The following FAT1 variants were observed in gnomAD, a reference collection of about 807,000 sequenced individuals.
The protein encoded by FAT1 is protocadherin Fat 1.
A neutral mutation model predicts 329.8 loss-of-function variants in FAT1; 171 were observed. The ratio of observed to expected loss-of-function variants is 0.52; its 90% CI spans 0.46 to 0.59. FAT1 has a LOEUF of 0.59. Ranked by LOEUF, FAT1 falls within the 20% of genes least tolerant of loss-of-function variation. The pLI is 0.00. For missense variants in FAT1, 5,672 were observed against 5,774.4 expected, an observed-to-expected ratio of 0.98 and a Z score of 0.57; for synonymous variants, 2,233 against 2,228.6, an observed-to-expected ratio of 1.00 and a Z score of -0.06.
intron 4 of FAT1, 122 bp downstream of exon 4, chr4:186,639,600 A>G: frequency 1.5e-6 from 1 of 647,764 alleles, no homozygotes; most frequent in East Asian, 2.8e-5. Flanking sequence ...CAACCAGTAA[A>G]TAATATTAAT....
chr4:186,677,636 T>C (rs1376459777), intron 2 of FAT1, among the ~76,000 whole-genome samples: 1 of 152,162 alleles, frequency 6.6e-6, no homozygotes, highest in Non-Finnish European at 1.5e-5. Context: ...ACAAACCTCC[T>C]ACAATACCCA....
rs1476102298 is a variant in FAT1 at position 186,597,094 on chromosome 4, T to C, written c.12446A>G (p.Tyr4149Cys). 1.2e-6 allele frequency: 2 copies of C among 1,614,018 alleles called. No homozygotes were observed. Among genetic ancestry groups the C allele is most frequent in the Non-Finnish European group, 1.7e-6 (2 of 1,179,894 alleles). The change falls in exon 25 of 27, where the codon TAT (tyrosine) becomes TGT (cysteine). Residue 4149 changes from tyrosine to cysteine, a missense_variant. Around this residue, in one of 2 missense-constraint regions of FAT1, gnomAD observed 1,706 missense variants for 1,859.1 expected, o/e 0.92. Coordinates refer to ENST00000441802, the MANE Select transcript of FAT1 (RefSeq NM_005245.4). ...GTACTCGTGGCTGCAGTTGCAGTGA[T>C]AGGAGCCGTGCGTGTTCTCACAGAG... ...GALCENTHGS[Y>C]HCNCSHEYRG...
intron 3 of FAT1, among the ~76,000 whole-genome samples, chr4:186,649,648 G>A (rs529529771): frequency 3.3e-5 from 5 of 152,274 alleles, no homozygotes; most frequent in African/African-American, 7.2e-5. Context: ...TGGGAGGAGC[G>A]AGGATAGGTC....
chr4:186,613,688 G>C (rs2126477467), intron 12 of FAT1, among the ~76,000 whole-genome samples: 1 of 152,110 alleles, frequency 6.6e-6, no homozygotes, highest in East Asian at 1.9e-4. Flanking sequence ...TAGTTCTTTA[G>C]GAAGAAAATA....
chr4:186,722,463 C>T (rs1745507865), intron 1 of FAT1, among the ~76,000 whole-genome samples: 1 of 152,220 alleles, frequency 6.6e-6, no homozygotes, highest in South Asian at 2.1e-4. Flanking sequence ...TTACATAGTG[C>T]TTTAAGTATT....
rs1353195830 is a variant in FAT1 at position 186,628,646 on chromosome 4, C to T, written c.4441G>A (p.Val1481Met). The T allele has an allele frequency of 6.2e-7, 1 of 1,613,502 alleles. No homozygotes were observed. The highest frequency in any genetic ancestry group is 1.1e-5 in the South Asian group (1 of 91,060). The change falls in exon 8 of 27, where the codon GTG becomes ATG. Residue 1481 changes from valine to methionine, a missense_variant. Coordinates refer to ENST00000441802, the MANE Select transcript of FAT1 (RefSeq NM_005245.4). ...AGTTTGTTTTTCTCATCCTGATCCA[C>T]AGCACTGATTTGCAAAATTTCTGTT... The part of the protein sequence containing the change: ...PETEILQISA[V>M]DQDEKNKLIY...
rs1739959681 is a variant in FAT1, at chr4:186,620,138, ATTCT to A, written c.6444_6447del (p.Lys2148AsnfsTer27). The A allele has an allele frequency of 1.2e-6, 2 of 1,613,902 alleles. No homozygotes were observed. The highest frequency in any genetic ancestry group is 1.1e-5 in the South Asian group (1 of 91,076). On this transcript the variant is annotated frameshift_variant, in exon 10 of 27. Coordinates refer to ENST00000441802, the MANE Select transcript of FAT1 (RefSeq NM_005245.4). LOFTEE classifies it high-confidence loss of function. ...TCTTTTGCAACCACTGTAACAAGAT[ATTCT>A]TTATTTAAGGTGTCAAGCTCAAATT...
At position 186,620,639 on chromosome 4, in the gene FAT1, C is replaced by A. The variant is rs761317355; in HGVS notation, c.5947G>T (p.Val1983Phe). 6.2e-7 allele frequency: 1 copy of A among 1,614,002 alleles called. No homozygotes were observed. The highest frequency in any genetic ancestry group is 8.5e-7 in the Non-Finnish European group (1 of 1,179,884). ...TTCTCTTTCACTACCGCAGAGTAGA[C>A]ATCCTGGGTAAACTTTAGGTGACTT... ...KESHLKFTQD[V>F]YSAVVKENST... The change falls in exon 10 of 27, where the codon GTC (valine) becomes TTC (phenylalanine). Residue 1983 changes from valine to phenylalanine, a missense_variant. Around this residue, in one of 2 missense-constraint regions of FAT1, gnomAD observed 3,966 missense variants for 3,915.2 expected, o/e 1.01. Transcript: ENST00000441802.
rs544845520 is a variant in FAT1 at position 186,702,342 on chromosome 4, A to G, written c.3265+4221T>C. 2.6e-5 allele frequency among the ~76,000 whole-genome samples: 4 copies of G among 151,826 alleles called. No homozygotes were observed. In the South Asian group the frequency reaches 6.2e-4, roughly 24 times the overall value. On this transcript the variant is annotated intron_variant, in intron 2 of 26. Transcript: ENST00000441802. The stretch of plus-strand genomic sequence containing the variant: ...GGATGCTAAAAGTAACACAGCAGTA[A>G]TATGTTTAGAGATCTGCTCTTATCT...
At chr4:186,702,180 C>G (rs1219192847) in intron 2 of FAT1, among the ~76,000 whole-genome samples, 1 of 152,246 alleles carries the variant, frequency 6.6e-6, no homozygotes, top group Non-Finnish European at 1.5e-5. Flanking sequence ...GCCATTTTCT[C>G]TTAAGAAAAA....
chr4:186,624,543 G>A (rs186203214), intron 9 of FAT1, among the ~76,000 whole-genome samples: 1 of 152,288 alleles, frequency 6.6e-6, no homozygotes, highest in East Asian at 1.9e-4. Flanking sequence ...TTAAAAAGAT[G>A]TAAGAAGAAA....
chr4:186,620,224 T>C lies in FAT1; in HGVS notation c.6362A>G (p.Lys2121Arg), dbSNP rs2126513588. 3 of 1,614,032 alleles carry C rather than the reference T, an allele frequency of 1.9e-6. No homozygotes were observed. The highest frequency in any genetic ancestry group is 1.7e-6 in the Non-Finnish European group (2 of 1,179,902). ...AATTTGAAAGTGTTCATGATGTTCCTTGAGGTAGTAATGCACTTCCCCGTT... is the reference window on the plus strand; with the variant it reads ...AATTTGAAAGTGTTCATGATGTTCCCTGAGGTAGTAATGCACTTCCCCGTT... ...GRNGEVHYYLKEHHEHFQIGP... is the reference protein window; with the variant it reads ...GRNGEVHYYLREHHEHFQIGP... Residue 2121 changes from lysine (K) to arginine (R), a missense_variant, in exon 10 of 27, where the codon AAG becomes AGG. By Grantham distance (26) the Lys-to-Arg change is conservative. Transcript: ENST00000441802.
At chr4:186,625,418 G>A (rs1740254099) in intron 9 of FAT1, among the ~76,000 whole-genome samples, 1 of 152,094 alleles carries the variant, frequency 6.6e-6, no homozygotes. Flanking sequence ...GGAAACAAAT[G>A]AAATTTCAAA....
chr4:186,589,376 A>T (rs1398162362), intron 26 of FAT1, among the ~76,000 whole-genome samples, 156 bp from the exon 27 acceptor site: 2 of 152,124 alleles, frequency 1.3e-5, no homozygotes, highest in African/African-American at 4.8e-5. Flanking sequence ...CTTTGAAGAC[A>T]TCCCCCAACC....
Position 186,709,227 on chromosome 4 carries a change from T to A in FAT1, c.601A>T (p.Ser201Cys), listed in dbSNP as rs770876511. The A allele has an allele frequency of 6.2e-7, 1 of 1,614,030 alleles. No homozygotes were observed. The highest frequency in any genetic ancestry group is 8.5e-7 in the Non-Finnish European group (1 of 1,179,904). The change falls in exon 2 of 27, where the codon AGT becomes TGT. Residue 201 changes from serine (S) to cysteine (C), a missense_variant. By Grantham distance (112) the Ser-to-Cys change is moderately radical (BLOSUM62 -1). Transcript: ENST00000441802. ...CTACCAGTTAACACTATCACACCACTGGTTGGGTGAATAGCAAACATATCT... is the reference window on the plus strand; with the variant it reads ...CTACCAGTTAACACTATCACACCACAGGTTGGGTGAATAGCAAACATATCT... The part of the protein sequence containing the change: ...RTDMFAIHPT[S>C]GVIVLTGRLD...
rs1739772356 is a variant in FAT1, at chr4:186,617,587, A to G, written c.8878+121T>C. On this transcript the variant is annotated intron_variant, in intron 10 of 26. Transcript: ENST00000441802. The stretch of plus-strand genomic sequence containing the variant: ...AGATGTTATTTCTACGTATTATTTT[A>G]GATATTTTTAACTAAAATCATCCCT... 3 of 786,764 alleles carry G rather than the reference A, an allele frequency of 3.8e-6. No homozygotes were observed. The Admixed American group carries it at 1.0e-4, about 27-fold the overall frequency. The allele number at this position is 786,764 out of a possible 1,614,324, so 48.7% of individuals were successfully genotyped here. A position where few individuals can be genotyped will look rare whatever the true frequency, so the allele number is the denominator to read the frequency against.
chr4:186,696,273 A>G (rs1744034102), intron 2 of FAT1, among the ~76,000 whole-genome samples: 1 of 152,216 alleles, frequency 6.6e-6, no homozygotes, highest in Non-Finnish European at 1.5e-5. Context: ...TGAGCTTGCC[A>G]CACTATTAAG....
At position 186,636,032 on chromosome 4, in the gene FAT1, G is replaced by T; in HGVS notation, c.4176C>A (p.Asp1392Glu). The change falls in exon 6 of 27, where the codon GAC becomes GAA. Residue 1392 changes from aspartate to glutamate, a missense_variant. This residue lies in a region of FAT1 where 3,966 missense variants were observed against 3,915.2 expected (regional missense o/e 1.01). Transcript: ENST00000441802. ...ATGAGGGGGAATGCTTACCAGTGAT[G>T]TCAAACCAAAGGGGTATGCCAGGAG... ...VEPPGIPLWF[D>E]ITGGNYDSHF... is the part of the protein sequence containing the mutation. 1 of 1,613,924 alleles carries T rather than the reference G, an allele frequency of 6.2e-7. No homozygotes were observed. The highest frequency in any genetic ancestry group is 8.5e-7 in the Non-Finnish European group (1 of 1,179,838).
rs370938739 is a variant in FAT1, at chr4:186,618,322, C to G, written c.8264G>C (p.Arg2755Thr). 21 of 1,613,930 alleles carry G rather than the reference C, an allele frequency of 1.3e-5. No individual in the cohort carries two copies. Among genetic ancestry groups the G allele is most frequent in the Non-Finnish European group, 1.8e-5 (21 of 1,179,912 alleles). ...CTCCAACTTCAGTCTCCCGCTCTGT[C>G]TGTCAATCACAAAGGACTCATCCCT... ...SNRDESFVID[R>T]QSGRLKLEKS... is the part of the protein sequence containing the mutation. Residue 2755 changes from arginine to threonine, a missense_variant, in exon 10 of 27, where the codon AGA (arginine) becomes ACA (threonine). By Grantham distance (71) the Arg-to-Thr change is moderately conservative. This residue lies in a region of FAT1 where 3,966 missense variants were observed against 3,915.2 expected (regional missense o/e 1.01). Coordinates refer to ENST00000441802, the MANE Select transcript of FAT1 (RefSeq NM_005245.4).
Sources: gnomAD v4.1 joint callset for allele counts (sites outside exome capture counted in the v4.1 genomes callset) on GRCh38, gnomAD v4.1.1 for gene constraint, gnomAD v4.1.1 regional missense constraint, MANE v1.5 for transcripts, NCBI Gene and HGNC (gene_info 2026-07-23, HGNC 2026-07-21) for gene names.